JAM3: variants seen among roughly 807,000 people sequenced by gnomAD.
JAM3 encodes junctional adhesion molecule 3.
In JAM3, 31 loss-of-function variants were observed where a neutral mutation model predicts 39.4. The ratio of observed to expected loss-of-function variants is 0.79; its 90% confidence interval spans 0.59 to 1.06. JAM3 has a LOEUF of 1.06. Ranked by LOEUF, JAM3 falls within the 50% of genes least tolerant of loss-of-function variation. The probability of loss-of-function intolerance (pLI) is 0.00; values close to 1 mark genes in which losing one functional copy is unlikely to be tolerated. For missense variants in JAM3, 455 were observed against 391.4 expected (o/e 1.16, Z -1.37); for synonymous variants, 182 against 148.7 (o/e 1.22, Z -1.63).
chr11:134,103,100 G>T (rs1565489281), intron 1 of JAM3, among the ~76,000 whole-genome samples: 1 of 152,144 alleles, frequency 6.6e-6, no homozygotes, highest in Non-Finnish European at 1.5e-5. Flanking sequence ...AAATGTTAAG[G>T]GCAGCCAGAG....
intron 1 of JAM3, among the ~76,000 whole-genome samples, chr11:134,113,585 T>C (rs1045030549): frequency 1.3e-5 from 2 of 152,210 alleles, no homozygotes; most frequent in Non-Finnish European, 2.9e-5. Flanking sequence ...CTTAATCCAG[T>C]CTATCATTAA....
intron 1 of JAM3, among the ~76,000 whole-genome samples, chr11:134,093,010 T>C (rs1007007974): frequency 2.1e-5 from 3 of 145,978 alleles, no homozygotes; most frequent in East Asian, 4.3e-4. Context: ...CCACCTTACA[T>C]GTCACTTCCT....
chr11:134,079,939 G>A (rs1446999530), intron 1 of JAM3, among the ~76,000 whole-genome samples: 1 of 152,136 alleles, frequency 6.6e-6, no homozygotes, highest in African/African-American at 2.4e-5. Flanking sequence ...ATCGAGAGAG[G>A]TTGGAAAAAT....
chr11:134,123,390 CA>C (rs1027478725), intron 1 of JAM3, among the ~76,000 whole-genome samples: 1 of 151,820 alleles, frequency 6.6e-6, no homozygotes, highest in African/African-American at 2.4e-5. Flanking sequence ...CCCCCCCCCC[CA>C]AAAAAGGGAA....
chr11:134,120,440 A>G (rs1321941576), intron 1 of JAM3, among the ~76,000 whole-genome samples: 1 of 152,242 alleles, frequency 6.6e-6, no homozygotes, highest in East Asian at 1.9e-4. Flanking sequence ...ACATTTTCTA[A>G]AAGAACTTCT....
chr11:134,103,990 G>C (rs965604178), intron 1 of JAM3, among the ~76,000 whole-genome samples: 6 of 152,158 alleles, frequency 3.9e-5, no homozygotes, highest in African/African-American at 1.2e-4. Flanking sequence ...ATTGAACTCA[G>C]CTCTGCACCA....
intron 1 of JAM3, among the ~76,000 whole-genome samples, chr11:134,137,053 C>T (rs1371731017): frequency 2.0e-5 from 3 of 150,574 alleles, no homozygotes; most frequent in Non-Finnish European, 2.9e-5. Flanking sequence ...GCGGAGCTTG[C>T]AGTGAGCCGA....
At chr11:134,115,659 T>C (rs1334634082) in intron 1 of JAM3, among the ~76,000 whole-genome samples, 2 of 152,042 alleles carry the variant, frequency 1.3e-5, no homozygotes, top group Admixed American at 1.3e-4. Flanking sequence ...CCCAGCACTT[T>C]TGGAGAATGA....
chr11:134,108,768 G>A (rs1942252564), intron 1 of JAM3, among the ~76,000 whole-genome samples: 1 of 152,056 alleles, frequency 6.6e-6, no homozygotes, highest in Admixed American at 6.6e-5. Context: ...AAAACTTTTG[G>A]AATAGGAAGG....
chr11:134,120,701 G>A (rs1417424410), intron 1 of JAM3, among the ~76,000 whole-genome samples: 1 of 152,118 alleles, frequency 6.6e-6, no homozygotes, highest in Non-Finnish European at 1.5e-5. Context: ...TTCAAACCTT[G>A]ACGAATCTGG....
intron 1 of JAM3, among the ~76,000 whole-genome samples, chr11:134,073,285 T>C (rs1222636393): frequency 6.6e-6 from 1 of 152,230 alleles, no homozygotes; most frequent in East Asian, 1.9e-4. Context: ...ATGTGTTATA[T>C]ATTACATTTC....
intron 1 of JAM3, among the ~76,000 whole-genome samples, chr11:134,117,903 G>A (rs1444675370): frequency 6.6e-6 from 1 of 152,180 alleles, no homozygotes; most frequent in Non-Finnish European, 1.5e-5. Flanking sequence ...CCCTAAAGAG[G>A]CTATACTGGA....
intron 1 of JAM3, among the ~76,000 whole-genome samples, chr11:134,130,761 C>T (rs1416400880): frequency 6.6e-6 from 1 of 152,168 alleles, no homozygotes; most frequent in African/African-American, 2.4e-5. Flanking sequence ...CCTCTCAAAC[C>T]GGAGGGAACA....
intron 1 of JAM3, among the ~76,000 whole-genome samples, chr11:134,070,562 C>G (rs1332583357): frequency 2.0e-5 from 3 of 152,156 alleles, no homozygotes; most frequent in African/African-American, 7.2e-5. Flanking sequence ...AAACCAAATG[C>G]TGTTGGGAGA....
At chr11:134,140,142 C>G (rs771541300) in intron 2 of JAM3, among the ~76,000 whole-genome samples, 1 of 152,222 alleles carries the variant, frequency 6.6e-6, no homozygotes, top group Non-Finnish European at 1.5e-5. Flanking sequence ...TTTGTGATCA[C>G]ACAACAAATA....
chr11:134,081,011 A>G (rs1271880352), intron 1 of JAM3, among the ~76,000 whole-genome samples: 1 of 152,232 alleles, frequency 6.6e-6, no homozygotes, highest in Non-Finnish European at 1.5e-5. Context: ...ATTTTAGCTA[A>G]GAGTCTGGTG....
At chr11:134,138,919 C>T (rs1942923286) in intron 1 of JAM3, among the ~76,000 whole-genome samples, 1 of 152,156 alleles carries the variant, frequency 6.6e-6, no homozygotes, top group Admixed American at 6.5e-5. Context: ...GCCCAATATG[C>T]AAGGAGTTAA....
intron 4 of JAM3, 57 bp downstream of exon 4, chr11:134,144,450 G>C: frequency 6.3e-7 from 1 of 1,595,644 alleles, no homozygotes; most frequent in East Asian, 2.2e-5. Context: ...AGATCAGTTA[G>C]TGTCTTGGTT....
chr11:134,130,542 A>G (rs1942750164), intron 1 of JAM3, among the ~76,000 whole-genome samples: 1 of 152,226 alleles, frequency 6.6e-6, no homozygotes, highest in South Asian at 2.1e-4. Context: ...AAATTAAAAA[A>G]TCACCCAGTA....
Sources: allele counts gnomAD v4.1 joint callset (sites outside exome capture counted in the v4.1 genomes callset), GRCh38; gene constraint gnomAD v4.1.1; transcripts MANE v1.5; gene names NCBI Gene and HGNC (gene_info 2026-07-23, HGNC 2026-07-21).